CFAP20DC: variants seen among roughly 807,000 people sequenced by gnomAD.
The protein encoded by CFAP20DC is protein CFAP20DC.
CFAP20DC carries 84 observed loss-of-function variants against 101.7 expected under a neutral mutation model. That is an observed-to-expected ratio of 0.83 (90% confidence interval 0.69 to 0.99). CFAP20DC has a LOEUF of 0.99. Ranked by LOEUF, CFAP20DC falls within the 50% of genes least tolerant of loss-of-function variation. The pLI is 0.00. For missense variants in CFAP20DC, 1,007 were observed against 970.3 expected, an observed-to-expected ratio of 1.04 and a Z score of -0.50; for synonymous variants, 359 against 351.2, an observed-to-expected ratio of 1.02 and a Z score of -0.25.
intron 5 of CFAP20DC, among the ~76,000 whole-genome samples, chr3:58,919,462 G>T (rs1027707940): frequency 6.6e-6 from 1 of 151,984 alleles, no homozygotes; most frequent in Admixed American, 6.6e-5. Flanking sequence ...AGTAATTTTT[G>T]GAAATTGTTT....
downstream of CFAP20DC, among the ~76,000 whole-genome samples, chr3:58,717,096 C>T (rs1037027205): frequency 6.6e-6 from 1 of 151,920 alleles, no homozygotes; most frequent in African/African-American, 2.4e-5. The surrounding 1 kb of genome is among the most constrained non-coding windows in gnomAD (Gnocchi z 4.1). Flanking sequence ...AGAGTAGTTG[C>T]TACTTGTGGC....
intron 4 of CFAP20DC, among the ~76,000 whole-genome samples, chr3:59,020,354 TAAATA>T (rs1481272439): frequency 2.6e-5 from 4 of 152,148 alleles, no homozygotes; most frequent in Non-Finnish European, 5.9e-5. Context: ...CATAACATTT[TAAATA>T]AAATAAACCC....
In CFAP20DC at chr3:58,913,582, T is replaced by C. The variant is rs540615454; in HGVS notation, c.550+126A>G. On this transcript the variant is annotated intron_variant, in intron 6 of 16. Coordinates refer to ENST00000482387, the MANE Select transcript of CFAP20DC (RefSeq NM_001394063.1). The surrounding 1 kb of genome is among the most constrained non-coding windows in gnomAD (Gnocchi z 4.4). The stretch of plus-strand genomic sequence containing the variant: ...TAGAACAAAGAAATCAGCATGACTG[T>C]TGACAAATTTACTTTAGCAGACATA... The C allele has an allele frequency of 7.8e-4, 708 of 903,998 alleles. 7 individuals are homozygous for C. In the South Asian group the frequency reaches 9.5e-3, roughly 12 times the overall value. The allele number at this position is 903,998 out of a possible 1,614,324, so 56.0% of individuals were successfully genotyped here.
chr3:58,792,430 A>AT (rs1357803945), intron 15 of CFAP20DC, among the ~76,000 whole-genome samples: 1 of 152,160 alleles, frequency 6.6e-6, no homozygotes, highest in South Asian at 2.1e-4. Context: ...GGTTTTGAAT[A>AT]TTAAGATATT....
chr3:58,870,296 G>C lies in CFAP20DC; in HGVS notation c.729C>G (p.Asn243Lys), dbSNP rs376016930. The C allele has an allele frequency of 3.7e-6, 6 of 1,613,596 alleles. No individual in the cohort carries two copies. The highest frequency in any genetic ancestry group is 4.2e-6 in the Non-Finnish European group (5 of 1,179,696). ...LRSAESDQFI[N>K]RGTSITRNSK... ...TGTTCCGTGTAATACTTGTTCCTCTGTTAATGAACTGATCTGTTTTGTTAA... is the reference window on the plus strand; with the variant it reads ...TGTTCCGTGTAATACTTGTTCCTCTCTTAATGAACTGATCTGTTTTGTTAA... Residue 243 changes from asparagine to lysine, a missense_variant, in exon 8 of 17, where the codon AAC becomes AAG. By Grantham distance (94) the Asn-to-Lys change is moderately conservative (BLOSUM62 0). Coordinates refer to ENST00000482387, the MANE Select transcript of CFAP20DC (RefSeq NM_001394063.1).
At chr3:58,887,628 T>C (rs908444872) in intron 6 of CFAP20DC, among the ~76,000 whole-genome samples, 1 of 152,202 alleles carries the variant, frequency 6.6e-6, no homozygotes, top group African/African-American at 2.4e-5. Context: ...GCAGGGACTA[T>C]CACAAAACTG....
rs2074059242 is a variant in CFAP20DC, at chr3:58,806,381, T to C, written c.2237+14A>G. The C allele has an allele frequency of 6.5e-7, 1 of 1,534,572 alleles. No homozygotes were observed. The highest frequency in any genetic ancestry group is 1.1e-5 in the South Asian group (1 of 89,320). ...TTTTTTTTTTCTTAAATGTAGATTA[T>C]TAATGATTCTTACCGGGGATTAGAA... On this transcript the variant is annotated intron_variant, in intron 15 of 16. Coordinates refer to ENST00000482387, the MANE Select transcript of CFAP20DC (RefSeq NM_001394063.1).
chr3:58,812,078 G>A (rs1468579227), intron 14 of CFAP20DC, among the ~76,000 whole-genome samples: 2 of 152,236 alleles, frequency 1.3e-5, no homozygotes, highest in Non-Finnish European at 2.9e-5. Flanking sequence ...AGGATGTGGA[G>A]AAATAGGAAC....
Position 58,894,379 on chromosome 3 carries a change from T to A in CFAP20DC, c.551-9670A>T, listed in dbSNP as rs1257252455. Among the ~76,000 whole-genome samples, 1 of 152,128 alleles carries A rather than the reference T, an allele frequency of 6.6e-6. No homozygotes were observed. Among genetic ancestry groups the A allele is most frequent in the East Asian group, 1.9e-4 (1 of 5,186 alleles). ...ATACAACAGGGGTACAGGTACCTAT[T>A]CCAAATGAGAGAAATTGGCAAAAAC... On this transcript the variant is annotated intron_variant, in intron 6 of 16. Coordinates refer to ENST00000482387, the MANE Select transcript of CFAP20DC (RefSeq NM_001394063.1). This position sits in a 1 kb window ranked among gnomAD's most constrained non-coding sequence, Gnocchi z 4.1.
intron 15 of CFAP20DC, among the ~76,000 whole-genome samples, chr3:58,768,367 C>A (rs907910724): frequency 6.6e-6 from 1 of 152,086 alleles, no homozygotes; most frequent in East Asian, 1.9e-4. Flanking sequence ...ATTGGCACCA[C>A]TGAATTAATT....
intron 8 of CFAP20DC, 141 bp downstream of exon 8, chr3:58,870,032 G>C (rs957989918): frequency 3.6e-5 from 26 of 720,576 alleles, no homozygotes; most frequent in Admixed American, 6.0e-5. Flanking sequence ...ATTTATTCAA[G>C]CCTTCTGCTT....
chr3:58,796,177 C>T (rs769632853), intron 15 of CFAP20DC, among the ~76,000 whole-genome samples: 1 of 152,110 alleles, frequency 6.6e-6, no homozygotes, highest in Non-Finnish European at 1.5e-5. Context: ...GGCAGGTCAA[C>T]AAGTACCAAG....
In CFAP20DC at chr3:58,870,873, C is replaced by T. The variant is rs1234451728; in HGVS notation, c.716-564G>A. 8.6e-5 allele frequency among the ~76,000 whole-genome samples: 9 copies of T among 105,256 alleles called. No homozygotes were observed. The East Asian group carries it at 2.4e-3, about 28-fold the overall frequency. 69.1% of individuals were successfully genotyped at this position (105,256 alleles called of 152,430 possible). A position where few individuals can be genotyped will look rare whatever the true frequency, so the allele number is the denominator to read the frequency against. ...ACTGCAGTCCGCAGTCCGGCCTGGG[C>T]GACAGAGCGAGACTCCGTCTCAAAA... On this transcript the variant is annotated intron_variant, in intron 7 of 16. Coordinates refer to ENST00000482387, the MANE Select transcript of CFAP20DC (RefSeq NM_001394063.1).
chr3:59,009,456 G>C (rs979518142), intron 4 of CFAP20DC, among the ~76,000 whole-genome samples: 1 of 151,106 alleles, frequency 6.6e-6, no homozygotes, highest in African/African-American at 2.4e-5. Context: ...CTTTCCAGAG[G>C]AATAAATATA....
chr3:58,891,220 G>C (rs1033385375), intron 6 of CFAP20DC, among the ~76,000 whole-genome samples: 1 of 151,968 alleles, frequency 6.6e-6, no homozygotes, highest in Admixed American at 6.5e-5. Context: ...GTTAGGGGCT[G>C]GAGACCGGCC....
intron 3 of CFAP20DC, among the ~76,000 whole-genome samples, chr3:58,730,952 C>G (rs2067634198): frequency 6.6e-6 from 1 of 152,114 alleles, no homozygotes; most frequent in South Asian, 2.1e-4. Context: ...CCTCTGTGGT[C>G]AAGAGGTCCA....
chr3:58,855,124 TC>T (rs2078650719), intron 12 of CFAP20DC, among the ~76,000 whole-genome samples: 1 of 151,136 alleles, frequency 6.6e-6, no homozygotes, highest in Non-Finnish European at 1.5e-5. Context: ...TACAATGAAC[TC>T]AAACAAATTT....
At chr3:58,746,595 T>C (rs2068222000) in intron 16 of CFAP20DC, among the ~76,000 whole-genome samples, 1 of 152,156 alleles carries the variant, frequency 6.6e-6, no homozygotes, top group Admixed American at 6.6e-5. Context: ...ACATAATGCA[T>C]ACAAACTGGA....
Position 58,869,533 on chromosome 3 carries a change from C to T in CFAP20DC, c.853-43G>A, listed in dbSNP as rs945425358. The T allele has an allele frequency of 4.9e-6, 7 of 1,434,446 alleles. No homozygotes were observed. In the East Asian group the frequency reaches 1.7e-4, roughly 35 times the overall value. The allele number at this position is 1,434,446 out of a possible 1,614,324, so 88.9% of individuals were successfully genotyped here. On this transcript the variant is annotated intron_variant, in intron 8 of 16. Coordinates refer to ENST00000482387, the MANE Select transcript of CFAP20DC (RefSeq NM_001394063.1). This position sits in a 1 kb window ranked among gnomAD's most constrained non-coding sequence, Gnocchi z 4.3. ...TGTACATTTTAAAATATAGCAACTA[C>T]ATTTGTTTTCTGTAGAAGCTATATA... is the stretch of plus-strand genomic sequence containing the variant.
Sources: gnomAD v4.1 joint callset for allele counts (sites outside exome capture counted in the v4.1 genomes callset) on GRCh38, gnomAD v4.1.1 for gene constraint, Gnocchi (gnomAD v3.1) non-coding constraint, MANE v1.5 for transcripts, NCBI Gene and HGNC (gene_info 2026-07-23, HGNC 2026-07-21) for gene names.